The following PDE4D variants were observed in gnomAD, a reference collection of about 807,000 sequenced individuals.
The protein encoded by PDE4D is 3',5'-cyclic-AMP phosphodiesterase 4D.
PDE4D carries 24 observed loss-of-function variants against 87.4 expected under a neutral mutation model. The ratio of observed to expected loss-of-function variants is 0.27; its 90% CI spans 0.20 to 0.39. The LOEUF is 0.39. Among genes scored for constraint, PDE4D ranks in the 10% least tolerant of loss-of-function variants. The probability of loss-of-function intolerance (pLI) is 1.00; values close to 1 mark genes in which losing one functional copy is unlikely to be tolerated. For missense variants in PDE4D, 714 were observed against 1,041.0 expected (o/e 0.69, Z 4.32); for synonymous variants, 384 against 383.2 (o/e 1.00, Z -0.02).
chr5:60,109,202 C>A (rs1264004553), intron 2 of PDE4D, among the ~76,000 whole-genome samples: 92 of 152,142 alleles, frequency 6.0e-4, no homozygotes, highest in South Asian at 2.1e-3. Flanking sequence ...TGGGCGAAGG[C>A]CATGAACAGA....
chr5:59,428,676 A>G (rs570674899), intron 1 of PDE4D, among the ~76,000 whole-genome samples: 1 of 152,306 alleles, frequency 6.6e-6, no homozygotes, highest in East Asian at 1.9e-4. Context: ...CAACTTAAGA[A>G]AATGAGTAAC....
chr5:59,714,312 G>A (rs182318533), intron 1 of PDE4D, among the ~76,000 whole-genome samples: 3 of 152,378 alleles, frequency 2.0e-5, no homozygotes, highest in Non-Finnish European at 2.9e-5. Flanking sequence ...GGACATTGCT[G>A]TATGACCTGG....
chr5:60,441,910 G>A (rs1745253460), intron 1 of PDE4D, among the ~76,000 whole-genome samples: 1 of 151,876 alleles, frequency 6.6e-6, no homozygotes, highest in Admixed American at 6.6e-5. Context: ...ATGCCAATTA[G>A]AATAGCAATC....
At chr5:60,394,158 G>A (rs978109699) in intron 1 of PDE4D, among the ~76,000 whole-genome samples, 1 of 152,136 alleles carries the variant, frequency 6.6e-6, no homozygotes, top group Non-Finnish European at 1.5e-5. Context: ...CCTTTGTCAA[G>A]TAGGTCTGTC....
chr5:59,920,482 C>G (rs1754543326), intron 3 of PDE4D, among the ~76,000 whole-genome samples: 2 of 151,984 alleles, frequency 1.3e-5, no homozygotes, highest in Admixed American at 1.3e-4. Flanking sequence ...ATTGGAAAAC[C>G]TTCTTCAGCT....
intron 5 of PDE4D, among the ~76,000 whole-genome samples, chr5:59,178,364 G>A (rs1784214344): frequency 1.3e-5 from 2 of 152,138 alleles, no homozygotes; most frequent in South Asian, 4.1e-4. Flanking sequence ...TTCTAGATAA[G>A]GTATTTCTGT....
At chr5:60,087,659 T>C (rs1282762418) in intron 2 of PDE4D, among the ~76,000 whole-genome samples, 1 of 151,768 alleles carries the variant, frequency 6.6e-6, no homozygotes, top group East Asian at 1.9e-4. Context: ...GAGGAAAGAA[T>C]TAGTGAGCTT....
At chr5:60,291,111 C>T (rs1257711117) in intron 1 of PDE4D, among the ~76,000 whole-genome samples, 1 of 152,160 alleles carries the variant, frequency 6.6e-6, no homozygotes, top group African/African-American at 2.4e-5. Context: ...TGAGCAATGA[C>T]CTGGACACTG....
At chr5:60,208,205 T>C (rs1182275123) in intron 1 of PDE4D, among the ~76,000 whole-genome samples, 4 of 152,230 alleles carry the variant, frequency 2.6e-5, no homozygotes, top group African/African-American at 9.6e-5. Context: ...GATGGTGATA[T>C]GTGCAAAGAC....
At chr5:59,153,570 T>A (rs1779742504) in intron 5 of PDE4D, among the ~76,000 whole-genome samples, 1 of 152,182 alleles carries the variant, frequency 6.6e-6, no homozygotes, top group Non-Finnish European at 1.5e-5. Context: ...GTTCCATGTT[T>A]TGCTCTTATA....
intron 1 of PDE4D, among the ~76,000 whole-genome samples, chr5:59,523,167 C>T (rs1476910383): frequency 6.6e-6 from 1 of 152,110 alleles, no homozygotes; most frequent in Non-Finnish European, 1.5e-5. Context: ...CTCTCAAACA[C>T]CCACCCTTCC....
intron 6 of PDE4D, among the ~76,000 whole-genome samples, chr5:59,015,773 G>C (rs895820149): frequency 1.3e-5 from 2 of 152,102 alleles, no homozygotes; most frequent in Non-Finnish European, 2.9e-5. Flanking sequence ...CCCATTACTG[G>C]ATATATATCC....
chr5:59,415,015 A>T (rs7735228), intron 1 of PDE4D, among the ~76,000 whole-genome samples: 1 of 152,138 alleles, frequency 6.6e-6, no homozygotes, highest in African/African-American at 2.4e-5. Context: ...CAGCATCCAG[A>T]GGGCATAATG....
At chr5:60,285,851 G>A (rs968535897) in intron 1 of PDE4D, among the ~76,000 whole-genome samples, 4 of 152,178 alleles carry the variant, frequency 2.6e-5, no homozygotes, top group Non-Finnish European at 5.9e-5. Context: ...CAGTTTCAAC[G>A]AAAACCCAGC....
At chr5:59,637,866 A>G (rs1740860881) in intron 1 of PDE4D, among the ~76,000 whole-genome samples, 3 of 152,322 alleles carry the variant, frequency 2.0e-5, no homozygotes, top group South Asian at 4.1e-4. Context: ...AGCCATAAAT[A>G]TGATTTAATA....
chr5:60,348,954 A>G (rs1202405426), intron 1 of PDE4D, among the ~76,000 whole-genome samples: 1 of 152,174 alleles, frequency 6.6e-6, no homozygotes, highest in Non-Finnish European at 1.5e-5. Context: ...AGTGTCAATT[A>G]TCATGTAGAT....
At chr5:60,513,710 T>C (rs985008565) in intron 1 of PDE4D, among the ~76,000 whole-genome samples, 4 of 151,932 alleles carry the variant, frequency 2.6e-5, no homozygotes, top group Admixed American at 2.6e-4. Context: ...TTAGGTAATA[T>C]ATTTATAAAG....
At chr5:59,688,093 G>A (rs1045313223) in intron 1 of PDE4D, among the ~76,000 whole-genome samples, 2 of 152,108 alleles carry the variant, frequency 1.3e-5, no homozygotes, top group Non-Finnish European at 2.9e-5. Context: ...CTTACAAAGA[G>A]ACTTAGACTC....
chr5:59,836,646 C>CTATCTATA (rs1348624537), intron 1 of PDE4D, among the ~76,000 whole-genome samples: 32 of 151,582 alleles, frequency 2.1e-4, no homozygotes, highest in African/African-American at 7.5e-4. Flanking sequence ...ATCTATCTAT[C>CTATCTATA]TATCTATCTA....
Sources: allele counts gnomAD v4.1 joint callset (sites outside exome capture counted in the v4.1 genomes callset), GRCh38; gene constraint gnomAD v4.1.1; transcripts MANE v1.5; gene names NCBI Gene and HGNC (gene_info 2026-07-23, HGNC 2026-07-21).